Variants in FOXP1 observed in about 807,000 individuals in gnomAD.
FOXP1 encodes forkhead box P1.
FOXP1 carries 15 observed loss-of-function variants against 98.2 expected under a neutral mutation model. That is an observed-to-expected ratio of 0.15 (90% CI 0.10 to 0.24). The LOEUF is 0.24. Among genes scored for constraint, FOXP1 ranks in the 10% least tolerant of loss-of-function variants. The pLI, the probability that FOXP1 is intolerant of heterozygous loss-of-function variation, is 1.00. For synonymous variants in FOXP1, 371 were observed against 314.5 expected (o/e 1.18, Z -1.90); for missense variants, 633 against 848.5 (o/e 0.75, Z 3.15).
chr3:71,460,797 T>G (rs1237004586), intron 3 of FOXP1, among the ~76,000 whole-genome samples: 1 of 152,208 alleles, frequency 6.6e-6, no homozygotes, highest in Non-Finnish European at 1.5e-5. Flanking sequence ...TATACACTGG[T>G]AGCTGAGAGA....
chr3:71,030,651 T>C (rs1197980818), intron 11 of FOXP1, among the ~76,000 whole-genome samples: 1 of 152,258 alleles, frequency 6.6e-6, no homozygotes, highest in African/African-American at 2.4e-5. Context: ...ACCTTGGAAG[T>C]GTCCTGTGAC....
intron 4 of FOXP1, among the ~76,000 whole-genome samples, chr3:71,300,824 T>G (rs1017197024): frequency 6.6e-6 from 1 of 152,262 alleles, no homozygotes; most frequent in Admixed American, 6.5e-5. Flanking sequence ...TGCTCACTCT[T>G]CAGAATAGCA....
intron 6 of FOXP1, among the ~76,000 whole-genome samples, chr3:71,160,613 A>G (rs1259717815): frequency 6.6e-6 from 1 of 152,236 alleles, no homozygotes; most frequent in African/African-American, 2.4e-5. Context: ...TTACAATTAA[A>G]TAAGAATAAA....
At chr3:71,392,477 G>A (rs992368870) in intron 3 of FOXP1, among the ~76,000 whole-genome samples, 1 of 152,158 alleles carries the variant, frequency 6.6e-6, no homozygotes, top group African/African-American at 2.4e-5. Context: ...CTTAAGTCAA[G>A]CTAAATTTAG....
chr3:71,231,426 G>C (rs1055960943), intron 5 of FOXP1, among the ~76,000 whole-genome samples: 1 of 151,814 alleles, frequency 6.6e-6, no homozygotes, highest in Non-Finnish European at 1.5e-5. Flanking sequence ...TCCACCTATA[G>C]CTACCTTATA....
intron 6 of FOXP1, among the ~76,000 whole-genome samples, chr3:71,197,342 G>T (rs544917870): frequency 7.2e-5 from 11 of 152,046 alleles, no homozygotes; most frequent in South Asian, 4.2e-4. Context: ...TCCTGATTCC[G>T]AGGAATCAGG....
At chr3:71,580,208 C>G (rs1436615839) in intron 2 of FOXP1, among the ~76,000 whole-genome samples, 1 of 148,388 alleles carries the variant, frequency 6.7e-6, no homozygotes, top group African/African-American at 2.5e-5. Flanking sequence ...TTTTCTCCCT[C>G]TCTCTCATAC....
At chr3:71,309,406 T>C (rs1283427181) in intron 4 of FOXP1, among the ~76,000 whole-genome samples, 3 of 151,824 alleles carry the variant, frequency 2.0e-5, no homozygotes, top group East Asian at 3.9e-4. Context: ...TTTTTTTTTT[T>C]CTGAGCAAGG....
intron 2 of FOXP1, among the ~76,000 whole-genome samples, chr3:71,561,171 C>T (rs2046503433): frequency 6.6e-6 from 1 of 152,096 alleles, no homozygotes; most frequent in African/African-American, 2.4e-5. Context: ...ATTCTGGTGC[C>T]TCAGCCTCCT....
chr3:71,063,960 C>G (rs775513992), intron 7 of FOXP1, among the ~76,000 whole-genome samples: 1 of 152,156 alleles, frequency 6.6e-6, no homozygotes, highest in African/African-American at 2.4e-5. Flanking sequence ...TAAAAAGTCC[C>G]GTTTCCACTG....
intron 2 of FOXP1, among the ~76,000 whole-genome samples, chr3:71,533,977 A>C (rs921728907): frequency 6.6e-6 from 1 of 152,196 alleles, no homozygotes; most frequent in African/African-American, 2.4e-5. Context: ...GAGCATAATC[A>C]CAGTTGTCCG....
chr3:71,567,432 T>C (rs143385733), intron 2 of FOXP1, among the ~76,000 whole-genome samples: 40 of 151,844 alleles, frequency 2.6e-4, no homozygotes, highest in African/African-American at 9.7e-4. Context: ...AATCAGTGCA[T>C]ATTAAAGGAG....
intron 5 of FOXP1, among the ~76,000 whole-genome samples, chr3:71,282,780 C>T (rs1287478929): frequency 1.3e-5 from 2 of 152,240 alleles, no homozygotes; most frequent in Non-Finnish European, 1.5e-5. Flanking sequence ...TCATTCTACC[C>T]GTTTCACAGA....
At chr3:71,289,678 A>C (rs2072544866) in intron 5 of FOXP1, 1 of 150,474 alleles carries the variant, frequency 6.6e-6, no homozygotes, top group Non-Finnish European at 1.5e-5. Flanking sequence ...ACAGAGTCTC[A>C]CTCTGTCCCT....
At chr3:71,463,720 A>G (rs2088398612) in intron 3 of FOXP1, among the ~76,000 whole-genome samples, 1 of 152,182 alleles carries the variant, frequency 6.6e-6, no homozygotes, top group Non-Finnish European at 1.5e-5. Context: ...GGTAACTATC[A>G]TGACTGCGTC....
intron 17 of FOXP1, among the ~76,000 whole-genome samples, chr3:70,973,679 G>A (rs571756919): frequency 4.6e-5 from 7 of 152,212 alleles, no homozygotes; most frequent in Admixed American, 2.0e-4. Context: ...AGAGATTCAG[G>A]TCATTTACTT....
At chr3:71,357,961 A>T (rs554017249) in intron 4 of FOXP1, among the ~76,000 whole-genome samples, 13 of 152,348 alleles carry the variant, frequency 8.5e-5, no homozygotes, top group African/African-American at 3.1e-4. Context: ...GGGAAAAAAA[A>T]AACTAGAAGA....
chr3:71,102,381 G>A (rs1403519417), intron 7 of FOXP1, among the ~76,000 whole-genome samples: 2 of 152,204 alleles, frequency 1.3e-5, no homozygotes, highest in Non-Finnish European at 2.9e-5. Flanking sequence ...TCCATGCTAT[G>A]TTTATAATAG....
chr3:70,958,974 G>T lies in FOXP1; in HGVS notation c.*273C>A, dbSNP rs997125255. 3 of 453,728 alleles carry T rather than the reference G, an allele frequency of 6.6e-6. No homozygotes were observed. 28.1% of individuals were successfully genotyped at this position (453,728 alleles called of 1,614,324 possible). A position where few individuals can be genotyped will look rare whatever the true frequency, so the allele number is the denominator to read the frequency against. ...GCAAATTTACAACACTGATGTTGAC[G>T]GTTAAGAGAGGAAAATCCCAAGTAC... On this transcript the variant is annotated 3_prime_UTR_variant, in exon 21 of 21. Coordinates refer to ENST00000649528, the MANE Select transcript of FOXP1 (RefSeq NM_001349338.3).
Sources: allele counts gnomAD v4.1 joint callset (sites outside exome capture counted in the v4.1 genomes callset), GRCh38; gene constraint gnomAD v4.1.1; transcripts MANE v1.5; gene names NCBI Gene and HGNC (gene_info 2026-07-23, HGNC 2026-07-21).